Variants in SLC27A2 observed in about 807,000 individuals in gnomAD.
SLC27A2 encodes the protein solute carrier family 27 member 2.
In SLC27A2, 54 loss-of-function variants were observed where a neutral mutation model predicts 60.0. That is an observed-to-expected ratio of 0.90 (90% CI 0.72 to 1.13). The LOEUF (loss-of-function observed/expected upper bound fraction) is 1.13. Among genes scored for constraint, SLC27A2 ranks in the 50% most tolerant of loss-of-function variants. The pLI, the probability that SLC27A2 is intolerant of heterozygous loss-of-function variation, is 0.00. For synonymous variants in SLC27A2, 297 were observed against 297.6 expected, an observed-to-expected ratio of 1.00 and a Z score of 0.02; for missense variants, 739 against 777.6, an observed-to-expected ratio of 0.95 and a Z score of 0.59.
intron 4 of SLC27A2, among the ~76,000 whole-genome samples, chr15:50,213,716 G>A (rs1245133154): frequency 6.6e-6 from 1 of 152,074 alleles, no homozygotes; most frequent in Non-Finnish European, 1.5e-5. Context: ...TGAGCATTGG[G>A]TCAAAAACAA....
chr15:50,194,606 A>G (rs561310775), intron 1 of SLC27A2, among the ~76,000 whole-genome samples: 19 of 152,324 alleles, frequency 1.2e-4, no homozygotes, highest in African/African-American at 4.3e-4. Flanking sequence ...CTGATAAATT[A>G]GAAGCAGGAA....
chr15:50,221,534 C>T (rs2045242145), intron 4 of SLC27A2, among the ~76,000 whole-genome samples: 1 of 152,200 alleles, frequency 6.6e-6, no homozygotes, highest in South Asian at 2.1e-4. Context: ...CAGAGTTTGC[C>T]TTGGTGTGGT....
At chr15:50,215,258 A>G (rs916762941) in intron 4 of SLC27A2, among the ~76,000 whole-genome samples, 4 of 152,154 alleles carry the variant, frequency 2.6e-5, no homozygotes, top group Admixed American at 2.6e-4. Flanking sequence ...ATATCTAACC[A>G]AGGAGTCAAA....
At chr15:50,230,878 T>C (rs2045312364) in intron 8 of SLC27A2, among the ~76,000 whole-genome samples, 1 of 152,210 alleles carries the variant, frequency 6.6e-6, no homozygotes, top group Non-Finnish European at 1.5e-5. Context: ...GGATCTAGCC[T>C]AGTGTTCCTC....
At chr15:50,231,306 C>A (rs2045315293) in intron 8 of SLC27A2, among the ~76,000 whole-genome samples, 1 of 151,978 alleles carries the variant, frequency 6.6e-6, no homozygotes, top group South Asian at 2.1e-4. Context: ...CACGACCAGG[C>A]CCGGCTAATT....
At chr15:50,212,476 T>G (rs1266147283) in intron 4 of SLC27A2, among the ~76,000 whole-genome samples, 1 of 152,242 alleles carries the variant, frequency 6.6e-6, no homozygotes, top group East Asian at 1.9e-4. Context: ...GATCTTTGCC[T>G]AGGCACATTG....
At chr15:50,211,516 A>G (rs1487311432) in intron 4 of SLC27A2, among the ~76,000 whole-genome samples, 2 of 152,188 alleles carry the variant, frequency 1.3e-5, no homozygotes, top group Non-Finnish European at 2.9e-5. Flanking sequence ...GACAGAGCCT[A>G]CCCAAATGAG....
chr15:50,226,656 T>C (rs903178638), intron 6 of SLC27A2, among the ~76,000 whole-genome samples: 2 of 152,084 alleles, frequency 1.3e-5, no homozygotes, highest in African/African-American at 4.8e-5. Flanking sequence ...CCCTTGACCA[T>C]GGGAGGCAGA....
chr15:50,205,134 T>G, intron 3 of SLC27A2, 105 bp from the exon 4 acceptor site: 2 of 1,364,456 alleles, frequency 1.5e-6, no homozygotes, highest in Non-Finnish European at 2.0e-6. Flanking sequence ...TTTGCAAATA[T>G]AATTTATTTT....
chr15:50,183,136 T>C (rs1174375617), intron 1 of SLC27A2, among the ~76,000 whole-genome samples: 1 of 152,180 alleles, frequency 6.6e-6, no homozygotes, highest in Admixed American at 6.5e-5. Flanking sequence ...GGCAGTGTGG[T>C]TTTTAATCCT....
chr15:50,182,470 C>T lies in SLC27A2; in HGVS notation c.43C>T (p.Leu15=). 2 of 1,609,390 alleles carry T rather than the reference C, an allele frequency of 1.2e-6. No individual in the cohort carries two copies. The highest frequency in any genetic ancestry group is 1.7e-6 in the Non-Finnish European group (2 of 1,178,094). ...CACAGTCCTGGCGGGACTGCTGTTCCTGCCGCTCCTGGTGAACCTCTGCTG... is the reference window on the plus strand; with the variant it reads ...CACAGTCCTGGCGGGACTGCTGTTCTTGCCGCTCCTGGTGAACCTCTGCTG... ...IYTVLAGLLF[L]PLLVNLCCPY... is the part of the protein sequence containing the mutation. Residue 15 remains leucine, a synonymous_variant, in exon 1 of 10, where the codon CTG becomes TTG. Transcript: ENST00000267842.
At chr15:50,205,647 G>C (rs2045106495) in intron 4 of SLC27A2, among the ~76,000 whole-genome samples, 1 of 151,876 alleles carries the variant, frequency 6.6e-6, no homozygotes, top group African/African-American at 2.4e-5. Context: ...CTTACTAAAA[G>C]CCAGTGTCAA....
chr15:50,199,892 G>C (rs569979947), intron 2 of SLC27A2, among the ~76,000 whole-genome samples: 2 of 152,344 alleles, frequency 1.3e-5, no homozygotes, highest in East Asian at 3.9e-4. Context: ...TACACCCCAT[G>C]CTGGGTGACA....
At chr15:50,204,886 ACT>A (rs2045098617) in intron 3 of SLC27A2, among the ~76,000 whole-genome samples, 1 of 147,568 alleles carries the variant, frequency 6.8e-6, no homozygotes, top group Admixed American at 6.8e-5. Context: ...ACAGAGTCTC[ACT>A]CTATTTATAC....
chr15:50,182,934 C>T lies in SLC27A2; in HGVS notation c.478+29C>T, dbSNP rs774374826. On this transcript the variant is annotated intron_variant, in intron 1 of 9. Coordinates refer to ENST00000267842, the MANE Select transcript of SLC27A2 (RefSeq NM_003645.4). ...AGCCCCGAGGATCGCCCTGCCCTGG[C>T]ACCAGGGCTTCTCGGCGCCTTGACT... 12 of 1,566,448 alleles carry T rather than the reference C, an allele frequency of 7.7e-6. No individual in the cohort carries two copies. The South Asian group carries it at 1.1e-4, about 14-fold the overall frequency.
chr15:50,222,450 T>C (rs992597732), intron 4 of SLC27A2, among the ~76,000 whole-genome samples: 3 of 152,200 alleles, frequency 2.0e-5, no homozygotes, highest in African/African-American at 7.2e-5. Flanking sequence ...GGACTGTGTT[T>C]CCTGTTTTCT....
chr15:50,187,082 A>G (rs1378635479), intron 1 of SLC27A2, among the ~76,000 whole-genome samples: 1 of 152,232 alleles, frequency 6.6e-6, no homozygotes, highest in Non-Finnish European at 1.5e-5. Flanking sequence ...AACACTTAAC[A>G]GGACTCAACC....
Position 50,227,193 on chromosome 15 carries a change from A to G in SLC27A2, c.1457+15A>G, listed in dbSNP as rs769258901. 1 of 1,606,212 alleles carries G rather than the reference A, an allele frequency of 6.2e-7. No homozygotes were observed. Among genetic ancestry groups the G allele is most frequent in the Non-Finnish European group, 8.5e-7 (1 of 1,173,598 alleles). Reference sequence around the variant, plus strand: ...GATACATTCCGGTTGGTTTTTCTGAATCATTGAGCCAAAAACAAACACACG... The same window carrying G: ...GATACATTCCGGTTGGTTTTTCTGAGTCATTGAGCCAAAAACAAACACACG... On this transcript the variant is annotated intron_variant, in intron 7 of 9. Transcript: ENST00000267842.
At chr15:50,204,777 A>G (rs555012981) in intron 3 of SLC27A2, among the ~76,000 whole-genome samples, 1 of 150,042 alleles carries the variant, frequency 6.7e-6, no homozygotes, top group African/African-American at 2.4e-5. Context: ...TCAAATATAT[A>G]TATATAAAAT....
Sources: allele counts gnomAD v4.1 joint callset (sites outside exome capture counted in the v4.1 genomes callset), GRCh38; gene constraint gnomAD v4.1.1; transcripts MANE v1.5; gene names NCBI Gene and HGNC (gene_info 2026-07-23, HGNC 2026-07-21).